The following NRXN3 variants were observed in gnomAD, a reference collection of about 807,000 sequenced individuals.
The protein encoded by NRXN3 is neurexin 3, also known as neurexin III.
NRXN3 carries 32 observed loss-of-function variants against 137.6 expected under a neutral mutation model. That is an observed-to-expected ratio of 0.23 (90% CI 0.18 to 0.31). NRXN3 has a LOEUF of 0.31. NRXN3 is among the 10% of genes least tolerant of loss of function. The pLI is 1.00. For synonymous variants in NRXN3, 798 were observed against 784.5 expected (o/e 1.02, Z -0.29); for missense variants, 1,574 against 2,062.5 (o/e 0.76, Z 4.59).
intron 10 of NRXN3, among the ~76,000 whole-genome samples, chr14:78,925,456 C>T (rs2099285159): frequency 2.0e-5 from 3 of 152,152 alleles, no homozygotes; most frequent in Admixed American, 2.0e-4. Context: ...ATTATTTACA[C>T]ATGTGCAAAA....
At chr14:78,215,158 G>A (rs2153417121) in intron 1 of NRXN3, among the ~76,000 whole-genome samples, 1 of 152,290 alleles carries the variant, frequency 6.6e-6, no homozygotes, top group East Asian at 1.9e-4. Flanking sequence ...GTGGATGGGG[G>A]TACTGTCCAG....
chr14:78,337,270 G>C (rs2081588945), intron 4 of NRXN3, among the ~76,000 whole-genome samples: 1 of 152,078 alleles, frequency 6.6e-6, no homozygotes, highest in South Asian at 2.1e-4. Context: ...GGAATTACAT[G>C]ACCTCCCTGC....
In NRXN3 at chr14:78,798,648, C is replaced by T. The variant is rs565807788; in HGVS notation, c.2045-4972C>T. Among the ~76,000 whole-genome samples the T allele has an allele frequency of 4.6e-4, 70 of 152,344 alleles. 1 individual carries two copies. Among genetic ancestry groups the T allele is most frequent in the African/African-American group, 1.4e-3 (57 of 41,586 alleles). ...GGGGCTCACACCCCACATTTCCCTT[C>T]GGCACTGCCCTAGCAGAGGCTCTCC... On this transcript the variant is annotated intron_variant, in intron 8 of 20. Transcript: ENST00000335750.
chr14:78,400,485 G>C (rs2091949769), intron 4 of NRXN3, among the ~76,000 whole-genome samples: 1 of 152,138 alleles, frequency 6.6e-6, no homozygotes, highest in African/African-American at 2.4e-5. Context: ...CAAGTATTTA[G>C]TTTGATTCAT....
rs1461822518 is a variant in NRXN3 at position 78,438,291 on chromosome 14, C to G, written c.757+140431C>G. Among the ~76,000 whole-genome samples the G allele has an allele frequency of 2.0e-5, 3 of 152,120 alleles. No homozygotes were observed. The East Asian group carries it at 5.8e-4, about 29-fold the overall frequency. ...CATCCAGGTGGAGAGAATCATTAAGCAGCTGGAAATTTGGTTTTGAGTTCA... is the reference window on the plus strand; with the variant it reads ...CATCCAGGTGGAGAGAATCATTAAGGAGCTGGAAATTTGGTTTTGAGTTCA... On this transcript the variant is annotated intron_variant, in intron 4 of 20. Coordinates refer to ENST00000335750, the MANE Select transcript of NRXN3 (RefSeq NM_001330195.2).
At chr14:79,072,886 CTTTT>C (rs11424011) in intron 15 of NRXN3, among the ~76,000 whole-genome samples, 1 of 139,240 alleles carries the variant, frequency 7.2e-6, no homozygotes, top group Non-Finnish European at 1.5e-5. Context: ...CTCTCTCTCT[CTTTT>C]TTTTTTTTTT....
intron 16 of NRXN3, among the ~76,000 whole-genome samples, chr14:79,599,379 A>G (rs574756660): frequency 2.6e-5 from 4 of 152,176 alleles, no homozygotes; most frequent in Non-Finnish European, 5.9e-5. Flanking sequence ...AAGGAAAAAA[A>G]TTAAAACTAC....
At chr14:79,626,416 T>G (rs1293956038) in intron 16 of NRXN3, among the ~76,000 whole-genome samples, 1 of 148,884 alleles carries the variant, frequency 6.7e-6, no homozygotes, top group Non-Finnish European at 1.5e-5. Flanking sequence ...TCTTTTTTTT[T>G]TTTTAAACCA....
intron 19 of NRXN3, among the ~76,000 whole-genome samples, chr14:79,756,552 A>T (rs2099020233): frequency 6.6e-6 from 1 of 152,182 alleles, no homozygotes; most frequent in Non-Finnish European, 1.5e-5. Context: ...TCACATCAGC[A>T]TGTACCAATT....
chr14:79,592,573 C>G (rs544117154), intron 16 of NRXN3, among the ~76,000 whole-genome samples: 79 of 147,980 alleles, frequency 5.3e-4, no homozygotes, highest in Non-Finnish European at 9.6e-4. Context: ...ACTGATGAAG[C>G]CCATCAATTT....
chr14:79,254,948 A>G (rs527605422), intron 15 of NRXN3, among the ~76,000 whole-genome samples: 1 of 148,486 alleles, frequency 6.7e-6, no homozygotes, highest in African/African-American at 2.5e-5. Context: ...TCTTTTTTCA[A>G]TTGATTTATG....
At chr14:79,031,281 C>T (rs2099607851) in intron 15 of NRXN3, among the ~76,000 whole-genome samples, 1 of 151,978 alleles carries the variant, frequency 6.6e-6, no homozygotes, top group Admixed American at 6.6e-5. Flanking sequence ...AATATTTAGC[C>T]TTTTGTTAAC....
chr14:78,173,727 A>G (rs2058993271), intron 1 of NRXN3, among the ~76,000 whole-genome samples: 1 of 2,296 alleles, frequency 4.4e-4, no homozygotes, highest in Non-Finnish European at 1.2e-3. Context: ...TTTTTTTTGC[A>G]ACACAACAGT....
chr14:78,955,158 C>T (rs929924367), intron 10 of NRXN3, among the ~76,000 whole-genome samples: 2 of 152,154 alleles, frequency 1.3e-5, no homozygotes, highest in South Asian at 4.1e-4. Flanking sequence ...TTCTCCACGT[C>T]TTTCTTCACT....
chr14:78,175,961 C>A (rs1292011310), intron 1 of NRXN3, among the ~76,000 whole-genome samples: 1 of 152,176 alleles, frequency 6.6e-6, no homozygotes, highest in African/African-American at 2.4e-5. Context: ...AGAATGCAAG[C>A]TCTGAGAGGT....
chr14:78,393,156 G>T (rs893320960), intron 4 of NRXN3, among the ~76,000 whole-genome samples: 6 of 151,906 alleles, frequency 3.9e-5, no homozygotes, highest in Non-Finnish European at 7.4e-5. Flanking sequence ...TTCCAAGGAA[G>T]AGGTCTAGCA....
chr14:78,279,899 A>C (rs1335906211), intron 3 of NRXN3, among the ~76,000 whole-genome samples: 1 of 152,144 alleles, frequency 6.6e-6, no homozygotes, highest in Non-Finnish European at 1.5e-5. Flanking sequence ...TCTTCTGATC[A>C]TTGTTCTGTG....
chr14:78,330,695 C>G (rs567148008), intron 4 of NRXN3, among the ~76,000 whole-genome samples: 22 of 152,214 alleles, frequency 1.4e-4, no homozygotes, highest in Non-Finnish European at 2.6e-4. Context: ...CCAGTCTTTT[C>G]CACTTTGTAG....
chr14:79,248,945 G>T (rs999237466), intron 15 of NRXN3: 3 of 152,226 alleles, frequency 2.0e-5, no homozygotes, highest in African/African-American at 7.2e-5. Context: ...CTACTGCGTG[G>T]TTGAGCTGGT....
Sources: allele counts gnomAD v4.1 joint callset (sites outside exome capture counted in the v4.1 genomes callset), GRCh38; gene constraint gnomAD v4.1.1; transcripts MANE v1.5; gene names NCBI Gene and HGNC (gene_info 2026-07-23, HGNC 2026-07-21).